Variants in SEMA4B observed in about 807,000 individuals in gnomAD.
The protein encoded by SEMA4B is semaphorin 4B.
Under a neutral mutation model 88.1 loss-of-function variants are expected in SEMA4B, and 55 were observed. That is an observed-to-expected ratio of 0.62 (90% CI 0.50 to 0.78). The LOEUF is 0.78. SEMA4B is among the 30% of genes least tolerant of loss of function. The pLI is 0.00. For missense variants in SEMA4B, 1,062 were observed against 1,111.9 expected (o/e 0.96, Z 0.64); for synonymous variants, 525 against 473.6 (o/e 1.11, Z -1.41).
chr15:90,202,501 T>G (rs1960795551), intron 1 of SEMA4B, among the ~76,000 whole-genome samples: 1 of 152,148 alleles, frequency 6.6e-6, no homozygotes, highest in Non-Finnish European at 1.5e-5. Context: ...CGCCCTTCCC[T>G]CTCCTTTTCC....
chr15:90,217,681 G>C (rs370098698), intron 2 of SEMA4B, 79 bp downstream of exon 2: 2 of 1,603,854 alleles, frequency 1.2e-6, no homozygotes, highest in Non-Finnish European at 1.7e-6. Context: ...TGACCTTCTG[G>C]GTCCAAGGAT....
chr15:90,189,789 C>T (rs970984343), intron 1 of SEMA4B, among the ~76,000 whole-genome samples: 4 of 152,136 alleles, frequency 2.6e-5, no homozygotes, highest in Non-Finnish European at 4.4e-5. Flanking sequence ...AGCTCTGATT[C>T]CCTCTCTCCT....
Position 90,223,636 on chromosome 15 carries a change from C to G in SEMA4B, c.939C>G (p.Pro313=), listed in dbSNP as rs377290681. The G allele has an allele frequency of 1.9e-6, 3 of 1,613,576 alleles. No homozygotes were observed. Among genetic ancestry groups the G allele is most frequent in the Non-Finnish European group, 2.5e-6 (3 of 1,179,814 alleles). Residue 313 remains proline (P), a synonymous_variant, in exon 8 of 14, where the codon CCC becomes CCG. Transcript: ENST00000411539. ...FLKAQLLCSR[P]DDGFPFNVLQ... ...AGGCCCAGCTGCTGTGCTCACGGCC[C>G]GACGATGGCTTCCCCTTCAACGTGC... is the stretch of plus-strand genomic sequence containing the variant.
At chr15:90,225,566 TGGGGGTGGCTCTG>T in intron 11 of SEMA4B, 82 bp from the exon 12 acceptor site, 2 of 1,418,812 alleles carry the variant, frequency 1.4e-6, no homozygotes, top group Non-Finnish European at 1.9e-6. Context: ...ACAGGCCTCT[TGGGGGTGGCTCTG>T]GGAGGCATAC....
chr15:90,228,811 C>A lies in SEMA4B; in HGVS notation c.*168C>A. 1.1e-6 allele frequency: 1 copy of A among 879,716 alleles called. No homozygotes were observed. Among genetic ancestry groups the A allele is most frequent in the Non-Finnish European group, 1.7e-6 (1 of 591,860 alleles). 54.5% of individuals were successfully genotyped at this position (879,716 alleles called of 1,614,324 possible). ...GCTGCTCTCCAGTCAAGTAGCGAAG[C>A]TCCTACCACCCAGACACCCAAACAG... On this transcript the variant is annotated 3_prime_UTR_variant, in exon 14 of 14. Coordinates refer to ENST00000411539, the MANE Select transcript of SEMA4B (RefSeq NM_198925.4).
chr15:90,223,039 C>T (rs2151622921), intron 7 of SEMA4B, among the ~76,000 whole-genome samples: 1 of 147,162 alleles, frequency 6.8e-6, no homozygotes, highest in East Asian at 2.0e-4. Flanking sequence ...GGTGAGATTT[C>T]ACTGCAACCT....
Position 90,228,694 on chromosome 15 carries a change from G to C in SEMA4B, c.*51G>C, listed in dbSNP as rs200871623. The C allele has an allele frequency of 1.2e-6, 2 of 1,606,874 alleles. No individual in the cohort carries two copies. Among genetic ancestry groups the C allele is most frequent in the Non-Finnish European group, 1.7e-6 (2 of 1,177,362 alleles). On this transcript the variant is annotated 3_prime_UTR_variant, in exon 14 of 14. Coordinates refer to ENST00000411539, the MANE Select transcript of SEMA4B (RefSeq NM_198925.4). ...CTGGCTTCAGGGGCTGTGAATGCTCGGAGAGGGTCAACTGGACCTCCCCTC... is the reference window on the plus strand; with the variant it reads ...CTGGCTTCAGGGGCTGTGAATGCTCCGAGAGGGTCAACTGGACCTCCCCTC...
At chr15:90,223,411 T>C in intron 7 of SEMA4B, 148 bp from the exon 8 acceptor site, 1 of 621,240 alleles carries the variant, frequency 1.6e-6, no homozygotes, top group Non-Finnish European at 2.6e-6. Flanking sequence ...ACACTGCTCT[T>C]CCTGACTTTA....
At chr15:90,215,973 C>T (rs1011323556) in intron 1 of SEMA4B, among the ~76,000 whole-genome samples, 9 of 151,858 alleles carry the variant, frequency 5.9e-5, no homozygotes, top group African/African-American at 2.2e-4. Flanking sequence ...TCTTGTTCTA[C>T]CATTATTTCC....
upstream of SEMA4B, among the ~76,000 whole-genome samples, chr15:90,197,530 C>G (rs904417028): frequency 6.6e-6 from 1 of 151,316 alleles, no homozygotes; most frequent in Non-Finnish European, 1.5e-5. Context: ...CTCCGCCTCC[C>G]GGGTTCACGC....
intron 13 of SEMA4B, 22 bp downstream of exon 13, chr15:90,227,664 T>C (rs762986700): frequency 1.9e-6 from 3 of 1,612,118 alleles, no homozygotes; most frequent in Non-Finnish European, 2.5e-6. Flanking sequence ...CCTCAAAAGG[T>C]GGAGGAGAGA....
upstream of SEMA4B, chr15:90,201,295 A>G (rs567683864): frequency 1.1e-3 from 1,243 of 1,125,974 alleles, 9 homozygotes; most frequent in African/African-American, 0.016. Context: ...GGCCGGGCTC[A>G]CGGCCGACTT....
upstream of SEMA4B, among the ~76,000 whole-genome samples, chr15:90,197,357 T>C (rs887429081): frequency 6.6e-6 from 1 of 152,014 alleles, no homozygotes; most frequent in Non-Finnish European, 1.5e-5. Context: ...GCCACTGTAC[T>C]CCAGCCTGGG....
intron 1 of SEMA4B, among the ~76,000 whole-genome samples, chr15:90,208,752 C>CTTT (rs66461937): frequency 2.3e-4 from 33 of 144,152 alleles, no homozygotes; most frequent in Non-Finnish European, 4.1e-4. Flanking sequence ...TTTTCTTTTT[C>CTTT]TTTTTTTTTT....
In SEMA4B at chr15:90,201,483, G is replaced by T. The variant is rs1960720888; in HGVS notation, c.-96G>T. 4 of 1,309,050 alleles carry T rather than the reference G, an allele frequency of 3.1e-6. No individual in the cohort carries two copies. The highest frequency in any genetic ancestry group is 4.3e-5 in the South Asian group (2 of 46,898). The allele number at this position is 1,309,050 out of a possible 1,614,324, so 81.1% of individuals were successfully genotyped here. ...GTCCGGAGGCGGGGGCCCCCGGGGC[G>T]ACTCGGGGGCGGACCGCGGGGCGGA... On this transcript the variant is annotated 5_prime_UTR_variant, in exon 1 of 14. Transcript: ENST00000411539.
chr15:90,225,972 C>T lies in SEMA4B; in HGVS notation c.1688+145C>T, dbSNP rs185685491. 70 of 595,644 alleles carry T rather than the reference C, an allele frequency of 1.2e-4. No homozygotes were observed. The African/African-American group carries it at 1.3e-3, about 11-fold the overall frequency. The allele number at this position is 595,644 out of a possible 1,614,324, so 36.9% of individuals were successfully genotyped here. A position where few individuals can be genotyped will look rare whatever the true frequency, so the allele number is the denominator to read the frequency against. On this transcript the variant is annotated intron_variant, in intron 12 of 13. Transcript: ENST00000411539. ...TAATTATTAATTAGCTCTCCTGCTT[C>T]CTCTCAAGTGCAATTCAGACAGGAA...
chr15:90,225,104 C>A lies in SEMA4B; in HGVS notation c.1331C>A (p.Ala444Asp). 2.5e-6 allele frequency: 4 copies of A among 1,613,750 alleles called. No individual in the cohort carries two copies. The highest frequency in any genetic ancestry group is 3.4e-6 in the Non-Finnish European group (4 of 1,179,866). ...RSRMLLLQPQARYQRVAVHRV... is the reference protein window; with the variant it reads ...RSRMLLLQPQDRYQRVAVHRV... ...CGCATGCTGCTGCTGCAGCCCCAGGCTCGCTACCAGCGCGTGGCTGTACAC... is the reference window on the plus strand; with the variant it reads ...CGCATGCTGCTGCTGCAGCCCCAGGATCGCTACCAGCGCGTGGCTGTACAC... Residue 444 changes from alanine (A) to aspartate (D), a missense_variant, in exon 10 of 14, where the codon GCT becomes GAT. Ala to Asp is a moderately radical substitution (Grantham distance 126). Transcript: ENST00000411539.
upstream of SEMA4B, among the ~76,000 whole-genome samples, chr15:90,196,351 A>G (rs577612969): frequency 6.6e-6 from 1 of 152,282 alleles, no homozygotes; most frequent in African/African-American, 2.4e-5. Context: ...TTAGAGATAA[A>G]TGTTCCCTTT....
intron 1 of SEMA4B, among the ~76,000 whole-genome samples, chr15:90,202,256 A>G (rs1361905034): frequency 2.0e-5 from 3 of 152,074 alleles, no homozygotes; most frequent in Admixed American, 2.0e-4. Context: ...CCCAGCATGG[A>G]GAGACCTCCA....
Sources: allele counts gnomAD v4.1 joint callset (sites outside exome capture counted in the v4.1 genomes callset), GRCh38; gene constraint gnomAD v4.1.1; transcripts MANE v1.5; gene names NCBI Gene and HGNC (gene_info 2026-07-23, HGNC 2026-07-21).